The following MAP1S variants were observed in gnomAD, a reference collection of about 807,000 sequenced individuals.
MAP1S encodes microtubule associated protein 1S.
A neutral mutation model predicts 60.9 loss-of-function variants in MAP1S; 27 were observed. The ratio of observed to expected loss-of-function variants is 0.44; its 90% CI spans 0.33 to 0.61. The LOEUF (loss-of-function observed/expected upper bound fraction) is 0.61, where lower values mean the gene tolerates loss of function less well. Ranked by LOEUF, MAP1S falls within the 20% of genes least tolerant of loss-of-function variation. The pLI is 0.03. For missense variants in MAP1S, 1,608 were observed against 1,486.6 expected (o/e 1.08, Z -1.34); for synonymous variants, 826 against 694.2 (o/e 1.19, Z -2.98).
In MAP1S at chr19:17,727,720, C is replaced by T; in HGVS notation, c.2336C>T (p.Ala779Val). 4 of 1,606,130 alleles carry T rather than the reference C, an allele frequency of 2.5e-6. No homozygotes were observed. Among genetic ancestry groups the T allele is most frequent in the Non-Finnish European group, 3.4e-6 (4 of 1,176,834 alleles). The change falls in exon 5 of 7, where the codon GCC (alanine) becomes GTC (valine). Residue 779 changes from alanine to valine, a missense_variant. By Grantham distance (64) the Ala-to-Val change is moderately conservative. This residue lies in a region of MAP1S where 1,167 missense variants were observed against 961.4 expected (regional missense o/e 1.21). Transcript: ENST00000324096. The surrounding 1 kb of genome is among the most constrained non-coding windows in gnomAD (Gnocchi z 4.1). ...CAGGAACGGGCAGGTGGGCTGGGGG[C>T]CGAGGAGACGCCACCCACATCGGTC... ...RSQERAGGLG[A>V]EETPPTSVSE...
rs370137934 is a variant in MAP1S at position 17,726,410 on chromosome 19, C to T, written c.1026C>T (p.Cys342=). ...TGGGGGTCGTGTTCTTCAACGCCTG[C>T]GAGGCCGCGTCGCGGCTGGCGCGCG... ...PNLGVVFFNA[C]EAASRLARGE... is the part of the protein sequence containing the mutation. Residue 342 remains cysteine, a synonymous_variant, in exon 5 of 7, where the codon TGC becomes TGT. Coordinates refer to ENST00000324096, the MANE Select transcript of MAP1S (RefSeq NM_018174.6). 35 of 1,576,188 alleles carry T rather than the reference C, an allele frequency of 2.2e-5. No homozygotes were observed. The highest frequency in any genetic ancestry group is 3.4e-5 in the South Asian group (3 of 87,784).
intron 1 of MAP1S, chr19:17,720,151 G>A (rs2080357353): frequency 2.3e-6 from 3 of 1,309,134 alleles, no homozygotes; most frequent in African/African-American, 3.1e-5. Context: ...GGCACCTAGG[G>A]AGGTGAGTCA....
intron 5 of MAP1S, among the ~76,000 whole-genome samples, chr19:17,729,950 T>G (rs540927024): frequency 6.6e-6 from 1 of 152,166 alleles, no homozygotes; most frequent in Non-Finnish European, 1.5e-5. Flanking sequence ...CGTGAGCCAC[T>G]GTGCCCAGCC....
At position 17,727,966 on chromosome 19, in the gene MAP1S, G is replaced by A. The variant is rs149369889; in HGVS notation, c.2582G>A (p.Arg861His). ...KTARQTENVS[R>H]TRKPLARPNS... Reference sequence around the variant, plus strand: ...GCACGGCAAACGGAGAACGTCAGCCGCACCCGGAAGCCCCTGGCCCGCCCC... The same window carrying A: ...GCACGGCAAACGGAGAACGTCAGCCACACCCGGAAGCCCCTGGCCCGCCCC... Residue 861 changes from arginine (R) to histidine (H), a missense_variant, in exon 5 of 7, where the codon CGC (arginine) becomes CAC (histidine). By Grantham distance (29) the Arg-to-His change is conservative. Around this residue, in one of 4 missense-constraint regions of MAP1S, gnomAD observed 1,167 missense variants for 961.4 expected, o/e 1.21. Coordinates refer to ENST00000324096, the MANE Select transcript of MAP1S (RefSeq NM_018174.6). The surrounding 1 kb of genome is among the most constrained non-coding windows in gnomAD (Gnocchi z 4.1). The A allele has an allele frequency of 2.7e-3, 4,262 of 1,606,916 alleles. 7 individuals are homozygous for A. The highest frequency in any genetic ancestry group is 3.2e-3 in the Non-Finnish European group (3,797 of 1,176,722).
In MAP1S at chr19:17,725,682, G is replaced by C; in HGVS notation, c.445-147G>C. ...AGGTGAGGCCAGATCAAAGAGCCTT[G>C]TGGCGCTGGAGAGGGTTGGGTTTTG... On this transcript the variant is annotated intron_variant, in intron 4 of 6. Coordinates refer to ENST00000324096, the MANE Select transcript of MAP1S (RefSeq NM_018174.6). The surrounding 1 kb of genome is among the most constrained non-coding windows in gnomAD (Gnocchi z 4.2). 1.4e-6 allele frequency: 1 copy of C among 732,830 alleles called. No homozygotes were observed. Among genetic ancestry groups the C allele is most frequent in the Non-Finnish European group, 2.2e-6 (1 of 452,014 alleles). The allele number at this position is 732,830 out of a possible 1,614,324, so 45.4% of individuals were successfully genotyped here. A position where few individuals can be genotyped will look rare whatever the true frequency, so the allele number is the denominator to read the frequency against.
chr19:17,734,419 G>A lies in MAP1S; in HGVS notation c.3171G>A (p.Val1057=). The A allele has an allele frequency of 1.2e-6, 2 of 1,611,952 alleles. No individual in the cohort carries two copies. Among genetic ancestry groups the A allele is most frequent in the Non-Finnish European group, 1.7e-6 (2 of 1,179,620 alleles). ...ATGACGCCTTCCCGGCCTGCAAGGT[G>A]GAGTTCTAGCCCCATCGCCGACACG... The part of the protein sequence containing the change: ...MQDDAFPACK[V]EF Residue 1057 remains valine (V), a synonymous_variant, in exon 7 of 7, where the codon GTG becomes GTA. Coordinates refer to ENST00000324096, the MANE Select transcript of MAP1S (RefSeq NM_018174.6).
rs112721657 is a variant in MAP1S at position 17,725,423 on chromosome 19, G to A, written c.444+234G>A. Among the ~76,000 whole-genome samples, 3 of 152,220 alleles carry A rather than the reference G, an allele frequency of 2.0e-5. No individual in the cohort carries two copies. The highest frequency in any genetic ancestry group is 7.2e-5 in the African/African-American group (3 of 41,446). ...AGCAGATGTCCCAAAGTCCTGATGA[G>A]GGATGGAGCCAAATGGGTCCTTCCT... On this transcript the variant is annotated intron_variant, in intron 4 of 6. Transcript: ENST00000324096. This position sits in a 1 kb window ranked among gnomAD's most constrained non-coding sequence, Gnocchi z 4.2.
In MAP1S at chr19:17,727,971, C is replaced by A; in HGVS notation, c.2587C>A (p.Arg863=). Residue 863 remains arginine, a synonymous_variant, in exon 5 of 7, where the codon CGG becomes AGG. Transcript: ENST00000324096. This position sits in a 1 kb window ranked among gnomAD's most constrained non-coding sequence, Gnocchi z 4.1. ...GCAAACGGAGAACGTCAGCCGCACC[C>A]GGAAGCCCCTGGCCCGCCCCAACTC... ...ARQTENVSRT[R]KPLARPNSRA... is the part of the protein sequence containing the mutation. 1 of 1,608,906 alleles carries A rather than the reference C, an allele frequency of 6.2e-7. No individual in the cohort carries two copies. The highest frequency in any genetic ancestry group is 2.2e-5 in the East Asian group (1 of 44,702).
rs948155294 is a variant in MAP1S, at chr19:17,726,695, G to A, written c.1311G>A (p.Pro437=). 3.1e-6 allele frequency: 5 copies of A among 1,587,366 alleles called. No homozygotes were observed. Among genetic ancestry groups the A allele is most frequent in the South Asian group, 1.1e-5 (1 of 88,220 alleles). The part of the protein sequence containing the change: ...VVRVLFPGCT[P]PACLLDGLVR... ...GCGTGCTGTTCCCCGGTTGCACCCC[G>A]CCCGCCTGCCTCCTGGACGGCCTGG... Residue 437 remains proline (P), a synonymous_variant, in exon 5 of 7, where the codon CCG becomes CCA. Coordinates refer to ENST00000324096, the MANE Select transcript of MAP1S (RefSeq NM_018174.6).
chr19:17,732,966 C>T, intron 5 of MAP1S: 1 of 526,792 alleles, frequency 1.9e-6, no homozygotes, highest in East Asian at 3.2e-5. Context: ...GCAGGAGGAT[C>T]ACTTGAGCCC....
chr19:17,725,214 T>C lies in MAP1S; in HGVS notation c.444+25T>C, dbSNP rs374401183. The C allele has an allele frequency of 1.3e-6, 2 of 1,589,772 alleles. No homozygotes were observed. Among genetic ancestry groups the C allele is most frequent in the African/African-American group, 2.7e-5 (2 of 74,532 alleles). On this transcript the variant is annotated intron_variant, in intron 4 of 6. Coordinates refer to ENST00000324096, the MANE Select transcript of MAP1S (RefSeq NM_018174.6). This position sits in a 1 kb window ranked among gnomAD's most constrained non-coding sequence, Gnocchi z 4.2. ...GGTAAGCCACCCCTTTGCCATCCCC[T>C]GCTTCCCCAGCTCTGAATCCTGACT...
At chr19:17,721,683 CA>C (rs563609175) in intron 2 of MAP1S, among the ~76,000 whole-genome samples, 108 of 152,136 alleles carry the variant, frequency 7.1e-4, no homozygotes, top group Non-Finnish European at 9.6e-4. Flanking sequence ...TGTCTCAGAA[CA>C]AACAAACAAA....
chr19:17,727,719 G>A lies in MAP1S; in HGVS notation c.2335G>A (p.Ala779Thr). The A allele has an allele frequency of 6.2e-7, 1 of 1,606,548 alleles. No individual in the cohort carries two copies. The highest frequency in any genetic ancestry group is 8.5e-7 in the Non-Finnish European group (1 of 1,177,028). ...RSQERAGGLGAEETPPTSVSE... is the reference protein window; with the variant it reads ...RSQERAGGLGTEETPPTSVSE... ...ACAGGAACGGGCAGGTGGGCTGGGG[G>A]CCGAGGAGACGCCACCCACATCGGT... Residue 779 changes from alanine (A) to threonine (T), a missense_variant, in exon 5 of 7, where the codon GCC becomes ACC. By Grantham distance (58) the Ala-to-Thr change is moderately conservative. Coordinates refer to ENST00000324096, the MANE Select transcript of MAP1S (RefSeq NM_018174.6). The surrounding 1 kb of genome is among the most constrained non-coding windows in gnomAD (Gnocchi z 4.1).
rs1247604459 is a variant in MAP1S, at chr19:17,727,322, C to T, written c.1938C>T (p.Ser646=). Residue 646 remains serine, a synonymous_variant, in exon 5 of 7, where the codon AGC becomes AGT. Coordinates refer to ENST00000324096, the MANE Select transcript of MAP1S (RefSeq NM_018174.6). This position sits in a 1 kb window ranked among gnomAD's most constrained non-coding sequence, Gnocchi z 4.1. ...PRTPSPESHR[S]PAEGSERLSL... is the part of the protein sequence containing the mutation. The stretch of plus-strand genomic sequence containing the variant: ...CACCCTCCCCTGAGTCCCACCGGAG[C>T]CCCGCAGAGGGCAGCGAGCGGCTGT... The T allele has an allele frequency of 6.3e-7, 1 of 1,591,846 alleles. No homozygotes were observed. The highest frequency in any genetic ancestry group is 8.5e-7 in the Non-Finnish European group (1 of 1,173,614).
At chr19:17,732,942 C>T in intron 5 of MAP1S, 1 of 514,454 alleles carries the variant, frequency 1.9e-6, no homozygotes, top group South Asian at 2.9e-5. Context: ...GTCCCATCTA[C>T]TTGGAAGGCT....
At chr19:17,724,258 C>G (rs370522721) in intron 3 of MAP1S, 50 bp downstream of exon 3, 16 of 1,442,582 alleles carry the variant, frequency 1.1e-5, no homozygotes, top group African/African-American at 2.8e-5. Context: ...GGACCCGTGC[C>G]TTCTCTGTCT....
intron 5 of MAP1S, among the ~76,000 whole-genome samples, chr19:17,731,875 T>G (rs2080496164): frequency 6.6e-6 from 1 of 152,126 alleles, no homozygotes; most frequent in South Asian, 2.1e-4. Flanking sequence ...CCATGTTGGC[T>G]AGGCTGGTCT....
chr19:17,731,186 T>C (rs1046084212), intron 5 of MAP1S, among the ~76,000 whole-genome samples: 1 of 152,332 alleles, frequency 6.6e-6, no homozygotes, highest in South Asian at 2.1e-4. Context: ...TGAGTCACCA[T>C]GCCTGGTCAA....
In MAP1S at chr19:17,720,991, G is replaced by A. The variant is rs1413275468; in HGVS notation, c.174G>A (p.Lys58=). 2.5e-6 allele frequency: 4 copies of A among 1,614,012 alleles called. No individual in the cohort carries two copies. Among genetic ancestry groups the A allele is most frequent in the Admixed American group, 3.3e-5 (2 of 59,986 alleles). ...PGVCNLDEQL[K]VFVSRHSATF... is the part of the protein sequence containing the mutation. ...TCTGCAACCTTGATGAACAGCTCAA[G>A]GTCTTTGTGTCCCGACACTCTGCCA... The change falls in exon 2 of 7, where the codon AAG becomes AAA. Residue 58 remains lysine, a synonymous_variant. Coordinates refer to ENST00000324096, the MANE Select transcript of MAP1S (RefSeq NM_018174.6).
Sources: gnomAD v4.1 joint callset for allele counts (sites outside exome capture counted in the v4.1 genomes callset) on GRCh38, gnomAD v4.1.1 for gene constraint, gnomAD v4.1.1 regional missense constraint, Gnocchi (gnomAD v3.1) non-coding constraint, MANE v1.5 for transcripts, NCBI Gene and HGNC (gene_info 2026-07-23, HGNC 2026-07-21) for gene names.